Variants in EPHA5 observed in about 807,000 individuals in gnomAD.
EPHA5 encodes EPH receptor A5.
Under a neutral mutation model 105.0 loss-of-function variants are expected in EPHA5, and 60 were observed. The observed-to-expected ratio is 0.57, with a 90% CI of 0.46 to 0.71. The LOEUF is 0.71. Ranked by LOEUF, EPHA5 falls within the 30% of genes least tolerant of loss-of-function variation. The pLI, the probability that EPHA5 is intolerant of heterozygous loss-of-function variation, is 0.00. For synonymous variants in EPHA5, 513 were observed against 449.1 expected (o/e 1.14, Z -1.80); for missense variants, 1,218 against 1,274.7 (o/e 0.96, Z 0.68).
intron 8 of EPHA5, among the ~76,000 whole-genome samples, chr4:65,377,603 AT>A (rs1225154344): frequency 6.6e-6 from 1 of 151,964 alleles, no homozygotes; most frequent in African/African-American, 2.4e-5. Context: ...AAGCCTACCA[AT>A]TTAATTTTAC....
chr4:65,525,928 A>G (rs1485904615), intron 3 of EPHA5, among the ~76,000 whole-genome samples: 1 of 151,644 alleles, frequency 6.6e-6, no homozygotes, highest in Non-Finnish European at 1.5e-5. Context: ...GATTATAAAG[A>G]GATGAACATT....
At chr4:65,553,459 A>G (rs1738113982) in intron 3 of EPHA5, among the ~76,000 whole-genome samples, 1 of 152,058 alleles carries the variant, frequency 6.6e-6, no homozygotes, top group Non-Finnish European at 1.5e-5. Context: ...ATTTCAAGTA[A>G]TTACTTTTGC....
At chr4:65,328,194 C>G (rs1366794136) in intron 16 of EPHA5, among the ~76,000 whole-genome samples, 1 of 151,038 alleles carries the variant, frequency 6.6e-6, no homozygotes, top group Non-Finnish European at 1.5e-5. Context: ...TGAATCTAAA[C>G]ATGACGAGAC....
At chr4:65,466,557 G>C (rs1728737509) in intron 5 of EPHA5, among the ~76,000 whole-genome samples, 1 of 152,156 alleles carries the variant, frequency 6.6e-6, no homozygotes, top group South Asian at 2.1e-4. Flanking sequence ...AGATCCAAGA[G>C]AGAAAATAAG....
At chr4:65,468,016 C>A (rs1728881484) in intron 5 of EPHA5, among the ~76,000 whole-genome samples, 1 of 152,140 alleles carries the variant, frequency 6.6e-6, no homozygotes, top group Non-Finnish European at 1.5e-5. Context: ...GAAACACAGT[C>A]CTGCTGACAC....
chr4:65,594,599 G>A (rs1742991361), intron 3 of EPHA5, among the ~76,000 whole-genome samples: 1 of 152,126 alleles, frequency 6.6e-6, no homozygotes, highest in Non-Finnish European at 1.5e-5. Context: ...TAGGAGTGCA[G>A]ACCAGATTTA....
chr4:65,518,936 A>G (rs1314861551), intron 3 of EPHA5, among the ~76,000 whole-genome samples: 1 of 152,132 alleles, frequency 6.6e-6, no homozygotes, highest in Non-Finnish European at 1.5e-5. Flanking sequence ...ACCAATAGAA[A>G]AAGAGGGAAT....
At chr4:65,345,018 C>G (rs1439562043) in intron 14 of EPHA5, among the ~76,000 whole-genome samples, 1 of 152,044 alleles carries the variant, frequency 6.6e-6, no homozygotes, top group Non-Finnish European at 1.5e-5. Flanking sequence ...GTAAATAAGT[C>G]ATTTAACATC....
intron 13 of EPHA5, among the ~76,000 whole-genome samples, chr4:65,350,440 G>A (rs537774207): frequency 1.3e-5 from 2 of 151,938 alleles, no homozygotes; most frequent in Non-Finnish European, 1.5e-5. Context: ...TTTAAAAGTT[G>A]AATTAAATAT....
chr4:65,343,897 A>G (rs1389194997), intron 14 of EPHA5, among the ~76,000 whole-genome samples: 1 of 152,030 alleles, frequency 6.6e-6, no homozygotes, highest in Non-Finnish European at 1.5e-5. Flanking sequence ...TACATAAGCA[A>G]TTTCTAGTGT....
At chr4:65,400,746 C>A (rs557818505) in intron 8 of EPHA5, among the ~76,000 whole-genome samples, 1 of 152,084 alleles carries the variant, frequency 6.6e-6, no homozygotes, top group Non-Finnish European at 1.5e-5. Context: ...TCATCATTTG[C>A]ACTTTTTTTG....
At chr4:65,657,316 CA>C (rs1409522129) in intron 1 of EPHA5, among the ~76,000 whole-genome samples, 1 of 151,112 alleles carries the variant, frequency 6.6e-6, no homozygotes. Flanking sequence ...ATGCTTAAGG[CA>C]AAAAAAATTT....
In EPHA5 at chr4:65,348,084, C is replaced by G. The variant is rs2148841855; in HGVS notation, c.2565G>C (p.Glu855Asp). ...GATTGGTCATCTCCCAGTAGGGTCTCTCTCCATAAGACACAACTTCCCACA... is the reference window on the plus strand; with the variant it reads ...GATTGGTCATCTCCCAGTAGGGTCTGTCTCCATAAGACACAACTTCCCACA... ...IVMWEVVSYG[E>D]RPYWEMTNQD... is the part of the protein sequence containing the mutation. The change falls in exon 14 of 17, where the codon GAG becomes GAC. Residue 855 changes from glutamate (E) to aspartate (D), a missense_variant. By Grantham distance (45) the Glu-to-Asp change is conservative (BLOSUM62 2). This residue lies in a region of EPHA5 where 971 missense variants were observed against 1,013.5 expected (regional missense o/e 0.96). Coordinates refer to ENST00000613740, the MANE Select transcript of EPHA5 (RefSeq NM_001281766.3). 4 of 1,609,306 alleles carry G rather than the reference C, an allele frequency of 2.5e-6. No individual in the cohort carries two copies. The highest frequency in any genetic ancestry group is 3.4e-6 in the Non-Finnish European group (4 of 1,177,828).
At chr4:65,589,173 G>C (rs910740979) in intron 3 of EPHA5, among the ~76,000 whole-genome samples, 1 of 152,040 alleles carries the variant, frequency 6.6e-6, no homozygotes, top group African/African-American at 2.4e-5. Context: ...TCAGGGCCTG[G>C]TAATAAAGTA....
chr4:65,343,185 CTG>C lies in EPHA5; in HGVS notation c.2595+4867_2595+4868del, dbSNP rs1443344993. ...TAGTTTTTATTTTAGCTTCTGAAAA[CTG>C]TTGACATTTAAAGTGTTTACTATCA... On this transcript the variant is annotated intron_variant, in intron 14 of 16. Coordinates refer to ENST00000613740, the MANE Select transcript of EPHA5 (RefSeq NM_001281766.3). Among the ~76,000 whole-genome samples the C allele has an allele frequency of 2.6e-5, 4 of 152,086 alleles. 1 individual carries two copies. Among genetic ancestry groups the C allele is most frequent in the Admixed American group, 2.0e-4 (3 of 15,262 alleles).
chr4:65,522,297 T>C (rs927865996), intron 3 of EPHA5, among the ~76,000 whole-genome samples: 1 of 131,534 alleles, frequency 7.6e-6, no homozygotes, highest in Non-Finnish European at 1.7e-5. Flanking sequence ...TTTAGAAATA[T>C]GTGTGTGTAT....
chr4:65,476,127 A>AGTGTGTGTGTGTGTGTGTGT (rs58933650), intron 5 of EPHA5, among the ~76,000 whole-genome samples: 1 of 119,106 alleles, frequency 8.4e-6, no homozygotes, highest in Admixed American at 8.7e-5. Context: ...AGAGAGAGAG[A>AGTGTGTGTGTGTGTGTGTGT]GTGTGTGTGT....
chr4:65,351,643 T>TG, intron 12 of EPHA5, 45 bp from the exon 13 acceptor site: 1 of 1,559,188 alleles, frequency 6.4e-7, no homozygotes, highest in Non-Finnish European at 8.8e-7. Context: ...CACCAATCAC[T>TG]GGGGGAAAAT....
At chr4:65,385,863 A>G (rs1383042969) in intron 8 of EPHA5, among the ~76,000 whole-genome samples, 2 of 151,832 alleles carry the variant, frequency 1.3e-5, no homozygotes, top group African/African-American at 2.4e-5. Flanking sequence ...TTATATTTGT[A>G]TAATACTGAT....
Sources: gnomAD v4.1 joint callset for allele counts (sites outside exome capture counted in the v4.1 genomes callset) on GRCh38, gnomAD v4.1.1 for gene constraint, gnomAD v4.1.1 regional missense constraint, MANE v1.5 for transcripts, NCBI Gene and HGNC (gene_info 2026-07-23, HGNC 2026-07-21) for gene names.